Variants in TTC6 observed in about 807,000 individuals in gnomAD.
The protein encoded by TTC6 is tetratricopeptide repeat domain 6.
In TTC6, 172 loss-of-function variants were observed where a neutral mutation model predicts 210.4. The observed-to-expected ratio is 0.82, with a 90% CI of 0.72 to 0.93. The LOEUF (loss-of-function observed/expected upper bound fraction) is 0.93, where lower values mean the gene tolerates loss of function less well. Among genes scored for constraint, TTC6 ranks in the 40% least tolerant of loss-of-function variants. TTC6 has a pLI of 0.00. For missense variants in TTC6, 2,414 were observed against 2,318.1 expected, an observed-to-expected ratio of 1.04 and a Z score of -0.85; for synonymous variants, 804 against 819.6, an observed-to-expected ratio of 0.98 and a Z score of 0.32.
intron 14 of TTC6, among the ~76,000 whole-genome samples, chr14:37,780,643 A>G (rs971802000): frequency 6.6e-5 from 10 of 151,652 alleles, no homozygotes; most frequent in Non-Finnish European, 1.2e-4. Context: ...CTTTTTTTAA[A>G]TTATACTTTA....
chr14:37,826,918 A>G (rs1447781105), intron 28 of TTC6, among the ~76,000 whole-genome samples: 1 of 152,176 alleles, frequency 6.6e-6, no homozygotes, highest in Non-Finnish European at 1.5e-5. Flanking sequence ...TAACAGCTAA[A>G]CAGATAAGCT....
intron 1 of TTC6, among the ~76,000 whole-genome samples, chr14:37,604,602 G>C (rs991404590): frequency 6.6e-6 from 1 of 152,038 alleles, no homozygotes; most frequent in African/African-American, 2.4e-5. Context: ...CAGAGACCCC[G>C]ATCATCGCCC....
At chr14:37,701,494 T>A in exon 5 of TTC6, 1 of 1,512,666 alleles carries the variant, frequency 6.6e-7, no homozygotes, top group Non-Finnish European at 8.8e-7. Flanking sequence ...CTTTCTTAGA[T>A]GATCGCTTTA....
At chr14:37,665,859 A>G (rs1297068630) in intron 1 of TTC6, among the ~76,000 whole-genome samples, 1 of 150,366 alleles carries the variant, frequency 6.7e-6, no homozygotes, top group East Asian at 1.9e-4. Context: ...CCAAGGCTGC[A>G]CCAGGAACTG....
chr14:37,833,594 T>C (rs893769896), intron 29 of TTC6, among the ~76,000 whole-genome samples: 1 of 152,226 alleles, frequency 6.6e-6, no homozygotes, highest in South Asian at 2.1e-4. Flanking sequence ...TTAAACTGGT[T>C]ACATTCTGAG....
chr14:37,805,556 A>G (rs1023156069), intron 21 of TTC6, among the ~76,000 whole-genome samples: 2 of 152,160 alleles, frequency 1.3e-5, no homozygotes, highest in African/African-American at 2.4e-5. Context: ...TAGTTGTTCT[A>G]TTAAGAAATG....
At chr14:37,795,654 T>C (rs1260821287) in intron 18 of TTC6, among the ~76,000 whole-genome samples, 2 of 152,136 alleles carry the variant, frequency 1.3e-5, no homozygotes, top group African/African-American at 4.8e-5. Context: ...AAGAGTAAGG[T>C]AACGTATTTT....
At chr14:37,626,520 T>C (rs2095660568) in intron 1 of TTC6, among the ~76,000 whole-genome samples, 1 of 152,182 alleles carries the variant, frequency 6.6e-6, no homozygotes, top group Non-Finnish European at 1.5e-5. Flanking sequence ...TTTTCTCTAT[T>C]CTTCCTGCTA....
chr14:37,672,343 A>G (rs1246637002), intron 1 of TTC6, among the ~76,000 whole-genome samples: 3 of 152,142 alleles, frequency 2.0e-5, no homozygotes, highest in African/African-American at 7.2e-5. Flanking sequence ...TTAGATTCCT[A>G]TTGAACTTGG....
chr14:37,650,040 GCTTT>G (rs2095708393), intron 1 of TTC6, among the ~76,000 whole-genome samples: 1 of 152,190 alleles, frequency 6.6e-6, no homozygotes, highest in Non-Finnish European at 1.5e-5. Flanking sequence ...GGACAAGTAA[GCTTT>G]CTTTCATGCT....
chr14:37,790,801 C>T, exon 16 of TTC6: 1 of 1,534,322 alleles, frequency 6.5e-7, no homozygotes, highest in Non-Finnish European at 8.7e-7. Context: ...TGGCTGCTGG[C>T]AATTTGTGAC....
chr14:37,727,270 T>C (rs1350985487), intron 7 of TTC6, among the ~76,000 whole-genome samples: 1 of 150,788 alleles, frequency 6.6e-6, no homozygotes, highest in Non-Finnish European at 1.5e-5. Flanking sequence ...CATGTTGACA[T>C]TCTATGTTGG....
intron 2 of TTC6, among the ~76,000 whole-genome samples, chr14:37,607,387 A>C (rs1018488590): frequency 6.6e-6 from 1 of 152,216 alleles, no homozygotes; most frequent in Admixed American, 6.5e-5. Context: ...GCAACAACTC[A>C]GTCTTGACTA....
chr14:37,784,070 A>T (rs1324671277), intron 14 of TTC6, among the ~76,000 whole-genome samples: 1 of 152,190 alleles, frequency 6.6e-6, no homozygotes, highest in Non-Finnish European at 1.5e-5. Context: ...CAATTTTGGA[A>T]TAAGTCCGAT....
At chr14:37,721,847 C>CATATATATATATATATATATATAT (rs35265224) in intron 6 of TTC6, among the ~76,000 whole-genome samples, 72 of 117,254 alleles carry the variant, frequency 6.1e-4, no homozygotes, top group Non-Finnish European at 1.2e-3. Context: ...TGAGTTTCAC[C>CATATATATATATATATATATATAT]ATATATATAT....
At chr14:37,742,102 G>C (rs964008539) in intron 10 of TTC6, among the ~76,000 whole-genome samples, 1 of 152,074 alleles carries the variant, frequency 6.6e-6, no homozygotes, top group African/African-American at 2.4e-5. Flanking sequence ...CTCTACCAAC[G>C]TTCTGTCTTC....
intron 22 of TTC6, 95 bp downstream of exon 24, chr14:37,806,605 C>A: frequency 1.6e-6 from 2 of 1,224,784 alleles, no homozygotes; most frequent in South Asian, 1.8e-5. Flanking sequence ...TACCAACAAT[C>A]AGTTTCTTAT....
intron 1 of TTC6, among the ~76,000 whole-genome samples, chr14:37,659,832 T>C (rs1402413384): frequency 6.6e-6 from 1 of 152,124 alleles, no homozygotes; most frequent in Non-Finnish European, 1.5e-5. Flanking sequence ...TCGTTGTGGT[T>C]TTGATTTGCG....
At chr14:37,777,665 A>C (rs36194865) in intron 14 of TTC6, among the ~76,000 whole-genome samples, 5,066 of 152,064 alleles carry the variant, frequency 0.033, 135 homozygotes, top group Non-Finnish European at 0.051. Flanking sequence ...ATTTGGAGGT[A>C]ATAAGACACT....
Sources: allele counts gnomAD v4.1 joint callset (sites outside exome capture counted in the v4.1 genomes callset), GRCh38; gene constraint gnomAD v4.1.1; transcripts MANE v1.5; gene names NCBI Gene and HGNC (gene_info 2026-07-23, HGNC 2026-07-21).